The following UBE2U variants were observed in gnomAD, a reference collection of about 807,000 sequenced individuals.
UBE2U encodes the protein ubiquitin conjugating enzyme E2 U, also known as ubiquitin-conjugating enzyme E2 U.
In UBE2U, 39 loss-of-function variants were observed where a neutral mutation model predicts 41.2. That is an observed-to-expected ratio of 0.95 (90% CI 0.73 to 1.24). The LOEUF (loss-of-function observed/expected upper bound fraction) is 1.24. Among genes scored for constraint, UBE2U ranks in the 50% most tolerant of loss-of-function variants. The pLI is 0.00. For missense variants in UBE2U, 336 were observed against 363.1 expected, an observed-to-expected ratio of 0.93 and a Z score of 0.61; for synonymous variants, 107 against 117.8, an observed-to-expected ratio of 0.91 and a Z score of 0.60.
chr1:64,239,162 A>AGAG (rs1557731123), intron 7 of UBE2U, among the ~76,000 whole-genome samples: 5 of 48,988 alleles, frequency 1.0e-4, no homozygotes, highest in Non-Finnish European at 2.1e-4. Context: ...AGAAGAAAGA[A>AGAG]GAAGAAGAAG....
intron 6 of UBE2U, among the ~76,000 whole-genome samples, chr1:64,225,928 A>T (rs937777010): frequency 6.6e-6 from 1 of 152,262 alleles, no homozygotes; most frequent in Admixed American, 6.5e-5. Flanking sequence ...ATCACTTTAC[A>T]TGCCCACAAC....
In UBE2U at chr1:64,220,241, GGA is replaced by G. The variant is rs3074174; in HGVS notation, c.458-596_458-595del. Among the ~76,000 whole-genome samples the G allele has an allele frequency of 4.2e-4, 63 of 148,916 alleles. 2 individuals carry two copies. The East Asian group carries it at 7.9e-3, about 19-fold the overall frequency. On this transcript the variant is annotated intron_variant, in intron 5 of 9. Transcript: ENST00000371077. ...CCTGAGAGGAATCTGCCAGGCTTGT[GGA>G]GAGAGAGAGAGAGAGAGAGAGCAAG...
At chr1:64,241,223 CTCT>C (rs1223593611) in intron 7 of UBE2U, among the ~76,000 whole-genome samples, 1 of 152,150 alleles carries the variant, frequency 6.6e-6, no homozygotes, top group Non-Finnish European at 1.5e-5. Context: ...GGCTGTGAAT[CTCT>C]TCTTTTGAAA....
At chr1:64,243,991 T>G in intron 8 of UBE2U, 1 of 531,894 alleles carries the variant, frequency 1.9e-6, no homozygotes, top group Non-Finnish European at 3.5e-6. Flanking sequence ...TGTACCTACC[T>G]CCCAGGGAAG....
chr1:64,222,238 A>G (rs950000473), intron 6 of UBE2U, among the ~76,000 whole-genome samples: 1 of 152,176 alleles, frequency 6.6e-6, no homozygotes, highest in Non-Finnish European at 1.5e-5. Context: ...AAATGTGTCA[A>G]TGTGGTTGAC....
chr1:64,259,162 C>T (rs369923246), intron 8 of UBE2U, among the ~76,000 whole-genome samples: 18 of 151,978 alleles, frequency 1.2e-4, no homozygotes, highest in Admixed American at 7.2e-4. Flanking sequence ...CACTTTTTGA[C>T]GGGGTTGTTT....
chr1:64,267,051 C>A lies in UBE2U; in HGVS notation c.797C>A (p.Ala266Glu). 1.3e-6 allele frequency: 2 copies of A among 1,549,228 alleles called. No homozygotes were observed. Among genetic ancestry groups the A allele is most frequent in the Non-Finnish European group, 1.7e-6 (2 of 1,146,720 alleles). ...LNEIFLESPT[A>E]INSITDIYET... ...GAAATTTTTCTTGAGTCACCAACTG[C>A]AATAAATAGCATCACAGACATTTAT... Residue 266 changes from alanine (A) to glutamate (E), a missense_variant, in exon 10 of 10, where the codon GCA becomes GAA. Coordinates refer to ENST00000371077, the MANE Select transcript of UBE2U (RefSeq NM_001366232.2).
chr1:64,203,857 G>A lies in UBE2U; in HGVS notation c.-194G>A, dbSNP rs1173445808. The A allele has an allele frequency of 2.3e-6, 1 of 437,850 alleles. No homozygotes were observed. The highest frequency in any genetic ancestry group is 3.4e-5 in the East Asian group (1 of 29,526). The allele number at this position is 437,850 out of a possible 1,614,324, so 27.1% of individuals were successfully genotyped here. On this transcript the variant is annotated 5_prime_UTR_variant, in exon 1 of 10. Transcript: ENST00000371077. ...TTCCTTCGGGAAGTTCTCGTTTAGAGGAGTCAGGAGAAAAAGTCATTGTTA... is the reference window on the plus strand; with the variant it reads ...TTCCTTCGGGAAGTTCTCGTTTAGAAGAGTCAGGAGAAAAAGTCATTGTTA...
rs1652821969 is a variant in UBE2U at position 64,225,714 on chromosome 1, T to A, written c.506+4807T>A. On this transcript the variant is annotated intron_variant, in intron 6 of 9. Coordinates refer to ENST00000371077, the MANE Select transcript of UBE2U (RefSeq NM_001366232.2). ...AAGGCTTGCGCCGAAGGAGAATTAC[T>A]GATTCGATGTGAGTTGTGAGAAAAA... Among the ~76,000 whole-genome samples, 4 of 152,332 alleles carry A rather than the reference T, an allele frequency of 2.6e-5. No individual in the cohort carries two copies. In the South Asian group the frequency reaches 8.3e-4, roughly 32 times the overall value.
intron 7 of UBE2U, among the ~76,000 whole-genome samples, chr1:64,238,012 A>G (rs77230227): frequency 6.6e-6 from 1 of 152,262 alleles, no homozygotes; most frequent in African/African-American, 2.4e-5. Flanking sequence ...AAGAGTCCCA[A>G]TGAGAAGACA....
chr1:64,221,144 T>C (rs937629023), intron 6 of UBE2U, among the ~76,000 whole-genome samples: 2 of 152,182 alleles, frequency 1.3e-5, no homozygotes, highest in East Asian at 3.8e-4. Flanking sequence ...GGAGTTTTGC[T>C]CTTGTCGCCC....
chr1:64,242,328 A>G (rs825191), intron 8 of UBE2U, among the ~76,000 whole-genome samples: 108,448 of 152,042 alleles, frequency 0.71, 40,133 homozygotes, highest in African/African-American at 0.92. Flanking sequence ...TCATGTTACA[A>G]CAAAGATGCC....
At chr1:64,210,576 T>C (rs969285563) in intron 3 of UBE2U, among the ~76,000 whole-genome samples, 166 bp from the exon 4 acceptor site, 2 of 152,178 alleles carry the variant, frequency 1.3e-5, no homozygotes, top group African/African-American at 4.8e-5. Flanking sequence ...AACATGGTAA[T>C]GGGTGGGAAC....
intron 8 of UBE2U, chr1:64,244,163 AAG>A (rs1425818646): frequency 6.2e-7 from 1 of 1,608,460 alleles, no homozygotes; most frequent in Admixed American, 1.7e-5. Context: ...AGCATAGGGG[AAG>A]AGCATGAGCT....
Position 64,259,120 on chromosome 1 carries a change from CTTTT to C in UBE2U, c.678-1482_678-1479del, listed in dbSNP as rs566628783. The stretch of plus-strand genomic sequence containing the variant: ...TGTCTGTTGGCTGCATAAATGTCTT[CTTTT>C]GAGAAGTGTCTGTTCATATCCTTTG... On this transcript the variant is annotated intron_variant, in intron 8 of 9. Transcript: ENST00000371077. Among the ~76,000 whole-genome samples the C allele has an allele frequency of 2.1e-3, 324 of 152,316 alleles. 3 individuals carry two copies. Among genetic ancestry groups the C allele is most frequent in the African/African-American group, 7.5e-3 (311 of 41,560 alleles).
intron 3 of UBE2U, among the ~76,000 whole-genome samples, chr1:64,207,603 G>T (rs1651384209): frequency 2.6e-5 from 4 of 152,036 alleles, no homozygotes; most frequent in Admixed American, 2.6e-4. Context: ...CGATGCACTG[G>T]ACAGATTAAC....
intron 7 of UBE2U, among the ~76,000 whole-genome samples, chr1:64,237,920 T>C (rs542717074): frequency 6.6e-6 from 1 of 152,340 alleles, no homozygotes; most frequent in South Asian, 2.1e-4. Flanking sequence ...TAAGAAAAGA[T>C]ATGAATTATC....
Position 64,227,276 on chromosome 1 carries a change from A to G in UBE2U, c.507-5285A>G, listed in dbSNP as rs555645650. ...TGTACTGGAGGTTCTAGCCAGTGCA[A>G]TGAGGCAAGGAAAATAAATAAAAAT... On this transcript the variant is annotated intron_variant, in intron 6 of 9. Transcript: ENST00000371077. Among the ~76,000 whole-genome samples, 25 of 152,332 alleles carry G rather than the reference A, an allele frequency of 1.6e-4. No homozygotes were observed. The South Asian group carries it at 5.0e-3, about 30-fold the overall frequency.
chr1:64,247,162 T>A (rs940570062), intron 8 of UBE2U, among the ~76,000 whole-genome samples: 15 of 152,224 alleles, frequency 9.9e-5, no homozygotes, highest in South Asian at 4.1e-4. Context: ...TTTCAGCTGA[T>A]TTTTATGAAT....
Sources: gnomAD v4.1 joint callset for allele counts (sites outside exome capture counted in the v4.1 genomes callset) on GRCh38, gnomAD v4.1.1 for gene constraint, MANE v1.5 for transcripts, NCBI Gene and HGNC (gene_info 2026-07-23, HGNC 2026-07-21) for gene names.